Variants in GLIS3 observed in about 807,000 individuals in gnomAD.
GLIS3 encodes the protein GLIS family zinc finger 3.
In GLIS3, 53 loss-of-function variants were observed where a neutral mutation model predicts 78.6. The ratio of observed to expected loss-of-function variants is 0.67; its 90% CI spans 0.54 to 0.85. GLIS3 has a LOEUF of 0.85. GLIS3 is among the 40% of genes least tolerant of loss of function. The pLI, the probability that GLIS3 is intolerant of heterozygous loss-of-function variation, is 0.00. For synonymous variants in GLIS3, 684 were observed against 509.9 expected, an observed-to-expected ratio of 1.34 and a Z score of -4.60; for missense variants, 1,703 against 1,231.1, an observed-to-expected ratio of 1.38 and a Z score of -5.74.
the GLIS3 span, among the ~76,000 whole-genome samples, chr9:4,385,234 C>T: frequency 1.3e-5 from 2 of 152,112 alleles, no homozygotes; most frequent in African/African-American, 2.4e-5. Flanking sequence ...TCGTGGATTC[C>T]CTCTGCAGCT....
At chr9:4,467,150 G>A in the GLIS3 span, among the ~76,000 whole-genome samples, 3 of 152,190 alleles carry the variant, frequency 2.0e-5, no homozygotes, top group East Asian at 5.8e-4. Flanking sequence ...AAAATGGGTG[G>A]AGCCCACCAC....
chr9:3,891,912 A>C (rs1400429005), intron 7 of GLIS3, among the ~76,000 whole-genome samples: 1 of 152,096 alleles, frequency 6.6e-6, no homozygotes, highest in Admixed American at 6.5e-5. Flanking sequence ...TGAGGAGCAA[A>C]TTCCTATGCA....
intron 4 of GLIS3, among the ~76,000 whole-genome samples, chr9:4,007,598 C>A (rs890007384): frequency 1.3e-5 from 2 of 151,866 alleles, no homozygotes; most frequent in African/African-American, 4.8e-5. Context: ...CTAAAGACAC[C>A]AAAATAATCC....
rs994318290 is a variant in GLIS3 at position 4,106,197 on chromosome 9, G to A, written c.1710+11571C>T. ...GTCAGGGCCCTGAAACTTTGTCAGC[G>A]TGATTATCTAAAGCCACTGGAAAGC... is the stretch of plus-strand genomic sequence containing the variant. On this transcript the variant is annotated intron_variant, in intron 4 of 10. Coordinates refer to ENST00000381971, the MANE Select transcript of GLIS3 (RefSeq NM_001042413.2). 7.9e-5 allele frequency among the ~76,000 whole-genome samples: 12 copies of A among 152,284 alleles called. No individual in the cohort carries two copies. The South Asian group carries it at 8.3e-4, about 11-fold the overall frequency.
intron 4 of GLIS3, among the ~76,000 whole-genome samples, chr9:4,074,577 G>A (rs1827895800): frequency 1.3e-5 from 2 of 152,004 alleles, no homozygotes; most frequent in South Asian, 4.1e-4. Flanking sequence ...TCTTTCTTAT[G>A]GCTCTATATT....
intron 2 of GLIS3, among the ~76,000 whole-genome samples, chr9:4,271,827 G>A (rs1380667191): frequency 6.6e-6 from 1 of 152,152 alleles, no homozygotes; most frequent in African/African-American, 2.4e-5. Context: ...ACAGTACATA[G>A]TAAGATGTTT....
At chr9:4,358,685 A>G in the GLIS3 span, among the ~76,000 whole-genome samples, 1 of 152,178 alleles carries the variant, frequency 6.6e-6, no homozygotes, top group South Asian at 2.1e-4. Context: ...TAGTCTTTCT[A>G]CAGATGCTCC....
In GLIS3 at chr9:4,337,030, T is replaced by C. The variant is rs573255926; in HGVS notation, n.264+10051A>G. Among the ~76,000 whole-genome samples, 3 of 152,374 alleles carry C rather than the reference T, an allele frequency of 2.0e-5. No homozygotes were observed. The East Asian group carries it at 5.8e-4, about 29-fold the overall frequency. On this transcript the variant is annotated intron_variant and non_coding_transcript_variant, in intron 2 of 4. Coordinates refer to the GLIS3 transcript ENST00000471664. ...AATATTACTAGTAAATGTTTTTAAA[T>C]GCACTAAAATGAGATACTACTTTTA...
the GLIS3 span, among the ~76,000 whole-genome samples, chr9:4,442,928 G>T: frequency 6.6e-6 from 1 of 152,038 alleles, no homozygotes; most frequent in East Asian, 1.9e-4. Flanking sequence ...ATTCCCTAGG[G>T]TGATAATTGA....
At chr9:4,308,161 A>G (rs934878999) in intron 4 of GLIS3, among the ~76,000 whole-genome samples, 3 of 151,942 alleles carry the variant, frequency 2.0e-5, no homozygotes, top group African/African-American at 4.8e-5. Flanking sequence ...TGGTGTCACG[A>G]CCTATCTGAA....
At chr9:4,357,561 CTGTGTGTG>C in the GLIS3 span, among the ~76,000 whole-genome samples, 663 of 147,760 alleles carry the variant, frequency 4.5e-3, 5 homozygotes, top group Admixed American at 0.024. Flanking sequence ...GAACTAATTC[CTGTGTGTG>C]TGTGTGTGTG....
At chr9:4,028,610 CCTT>C (rs1438742755) in intron 4 of GLIS3, among the ~76,000 whole-genome samples, 1 of 152,136 alleles carries the variant, frequency 6.6e-6, no homozygotes, top group African/African-American at 2.4e-5. Context: ...AAAACAATAG[CCTT>C]CCAGGAGCCC....
At chr9:4,432,638 C>CTTT in the GLIS3 span, among the ~76,000 whole-genome samples, 4 of 113,530 alleles carry the variant, frequency 3.5e-5, no homozygotes, top group Admixed American at 9.5e-5. Flanking sequence ...TTTTTATTTC[C>CTTT]TTTTTTTTTT....
At chr9:4,094,239 C>T (rs1188714067) in intron 4 of GLIS3, among the ~76,000 whole-genome samples, 1 of 152,208 alleles carries the variant, frequency 6.6e-6, no homozygotes, top group African/African-American at 2.4e-5. Flanking sequence ...ACAAACATTT[C>T]TTACCTACCA....
At chr9:3,974,888 G>T (rs1017126282) in intron 4 of GLIS3, among the ~76,000 whole-genome samples, 3 of 151,882 alleles carry the variant, frequency 2.0e-5, no homozygotes, top group African/African-American at 7.3e-5. Context: ...GAATATTCAG[G>T]AATCAAAAAG....
At chr9:3,835,624 T>A (rs1031492066) in intron 9 of GLIS3, among the ~76,000 whole-genome samples, 1 of 152,224 alleles carries the variant, frequency 6.6e-6, no homozygotes, top group Non-Finnish European at 1.5e-5. Context: ...CTGCAATCAT[T>A]GTAATTTAGC....
intron 4 of GLIS3, among the ~76,000 whole-genome samples, chr9:3,944,911 G>C (rs1816188107): frequency 6.6e-6 from 1 of 152,228 alleles, no homozygotes; most frequent in African/African-American, 2.4e-5. Flanking sequence ...GAAGCCAAAA[G>C]GGAAGTTGGC....
intron 4 of GLIS3, among the ~76,000 whole-genome samples, chr9:4,106,889 C>T (rs780508537): frequency 5.3e-5 from 8 of 152,054 alleles, no homozygotes; most frequent in East Asian, 1.9e-4. Context: ...TGACGAGCAG[C>T]GGGGAATTGT....
At chr9:4,154,153 G>C (rs924834862) in intron 2 of GLIS3, among the ~76,000 whole-genome samples, 11 of 152,218 alleles carry the variant, frequency 7.2e-5, no homozygotes, top group African/African-American at 2.4e-4. Flanking sequence ...AGGCCATTTA[G>C]AAACATGCCT....
Sources: gnomAD v4.1 joint callset for allele counts (sites outside exome capture counted in the v4.1 genomes callset) on GRCh38, gnomAD v4.1.1 for gene constraint, MANE v1.5 for transcripts, NCBI Gene and HGNC (gene_info 2026-07-23, HGNC 2026-07-21) for gene names.